SPINT2: variants seen among roughly 807,000 people sequenced by gnomAD.
SPINT2 encodes the protein serine peptidase inhibitor, Kunitz type 2, also known as kunitz-type protease inhibitor 2.
In SPINT2, 18 loss-of-function variants were observed where a neutral mutation model predicts 30.1. The observed-to-expected ratio is 0.60, with a 90% CI of 0.41 to 0.89. SPINT2 has a LOEUF of 0.89. Ranked by LOEUF, SPINT2 falls within the 40% of genes least tolerant of loss-of-function variation. The probability of loss-of-function intolerance (pLI) is 0.00; values close to 1 mark genes in which losing one functional copy is unlikely to be tolerated. For missense variants in SPINT2, 276 were observed against 334.3 expected (o/e 0.83, Z 1.36); for synonymous variants, 139 against 137.9 (o/e 1.01, Z -0.05).
intron 1 of SPINT2, among the ~76,000 whole-genome samples, chr19:38,269,020 GC>G (rs1968415646): frequency 6.6e-6 from 1 of 152,134 alleles, no homozygotes. Flanking sequence ...ATAACTTTGT[GC>G]CTGGCCCTGG....
chr19:38,266,227 G>GGATGGGA (rs1404057250), intron 1 of SPINT2, among the ~76,000 whole-genome samples: 1 of 152,166 alleles, frequency 6.6e-6, no homozygotes, highest in Non-Finnish European at 1.5e-5. Context: ...GACTGGAGGA[G>GGATGGGA]GATGGGAGGT....
rs903681078 is a variant in SPINT2 at position 38,282,746 on chromosome 19, A to G, written c.107-881A>G. Among the ~76,000 whole-genome samples, 5 of 152,356 alleles carry G rather than the reference A, an allele frequency of 3.3e-5. 1 individual carries two copies. In the South Asian group the frequency reaches 1.0e-3, roughly 32 times the overall value. ...TAGGACCTGTGTTGTCTTTGGAGCC[A>G]TGGGCTGGGCTGCAGGCACTCGAGT... On this transcript the variant is annotated intron_variant, in intron 1 of 6. Coordinates refer to ENST00000301244, the MANE Select transcript of SPINT2 (RefSeq NM_021102.4).
At chr19:38,271,793 T>C (rs900843331) in intron 1 of SPINT2, among the ~76,000 whole-genome samples, 3 of 152,050 alleles carry the variant, frequency 2.0e-5, no homozygotes, top group African/African-American at 4.8e-5. Flanking sequence ...CAGTCCAGCC[T>C]GGGAGACAGA....
chr19:38,283,700 C>T lies in SPINT2; in HGVS notation c.180C>T (p.Asp60=), dbSNP rs34298881. Residue 60 remains aspartate (D), a synonymous_variant, in exon 2 of 7, where the codon GAC becomes GAT. Coordinates refer to ENST00000301244, the MANE Select transcript of SPINT2 (RefSeq NM_021102.4). ...SMPRWWYNVT[D]GSCQLFVYGG... ...CTAGGTGGTGGTACAATGTCACTGA[C>T]GGATCCTGCCAGCTGTTTGTGTATG... The T allele has an allele frequency of 4.8e-5, 78 of 1,614,006 alleles. No individual in the cohort carries two copies. Among genetic ancestry groups the T allele is most frequent in the Middle Eastern group, 1.6e-4 (1 of 6,084 alleles).
At chr19:38,277,675 C>G (rs752388323) in intron 1 of SPINT2, among the ~76,000 whole-genome samples, 3 of 152,180 alleles carry the variant, frequency 2.0e-5, no homozygotes, top group Non-Finnish European at 4.4e-5. Context: ...ACCAGAGAAA[C>G]TTGTTTTCCA....
intron 1 of SPINT2, among the ~76,000 whole-genome samples, chr19:38,273,423 G>A (rs778691021): frequency 6.6e-6 from 1 of 151,918 alleles, no homozygotes; most frequent in Non-Finnish European, 1.5e-5. Context: ...CTGTTTTCTT[G>A]AACTCCTGAC....
intron 2 of SPINT2, among the ~76,000 whole-genome samples, chr19:38,285,681 C>T (rs1439832266): frequency 1.3e-5 from 2 of 152,180 alleles, no homozygotes; most frequent in Admixed American, 6.5e-5. Flanking sequence ...TTACACTGGC[C>T]TTTAAGTAAA....
Position 38,290,498 on chromosome 19 carries a change from G to A in SPINT2, c.554-39G>A. 1 of 1,613,926 alleles carries A rather than the reference G, an allele frequency of 6.2e-7. No homozygotes were observed. Among genetic ancestry groups the A allele is most frequent in the Non-Finnish European group, 8.5e-7 (1 of 1,179,912 alleles). ...CCCCTGCGGCAGCTCTGTGGAATGG[G>A]GGCTGTGAGCTGACCTCAGGCTGTG... On this transcript the variant is annotated intron_variant, in intron 5 of 6. Coordinates refer to ENST00000301244, the MANE Select transcript of SPINT2 (RefSeq NM_021102.4). This position sits in a 1 kb window ranked among gnomAD's most constrained non-coding sequence, Gnocchi z 4.3.
chr19:38,268,747 G>C (rs541527994), intron 1 of SPINT2, among the ~76,000 whole-genome samples: 67 of 147,594 alleles, frequency 4.5e-4, no homozygotes, highest in African/African-American at 1.6e-3. Context: ...GTGAGACAGA[G>C]AGAGAGCATG....
chr19:38,264,756 C>G lies in SPINT2; in HGVS notation c.-137C>G, dbSNP rs1191997812. On this transcript the variant is annotated 5_prime_UTR_variant, in exon 1 of 7. Transcript: ENST00000301244. Reference sequence around the variant, plus strand: ...AAGGCGACTTCCGGGGGCTTTGGCACCTGGCGGACCCTCCCGGAGCGTCGG... The same window carrying G: ...AAGGCGACTTCCGGGGGCTTTGGCAGCTGGCGGACCCTCCCGGAGCGTCGG... The G allele has an allele frequency of 3.3e-6, 3 of 909,948 alleles. No individual in the cohort carries two copies. The allele number at this position is 909,948 out of a possible 1,614,324, so 56.4% of individuals were successfully genotyped here.
chr19:38,287,561 A>G (rs1478250306), intron 2 of SPINT2, among the ~76,000 whole-genome samples: 2 of 152,126 alleles, frequency 1.3e-5, no homozygotes, highest in Non-Finnish European at 2.9e-5. Flanking sequence ...TCCTGACCTC[A>G]GGTGATCCAC....
At chr19:38,276,839 T>TTTTA in intron 1 of SPINT2, among the ~76,000 whole-genome samples, 1 of 151,836 alleles carries the variant, frequency 6.6e-6, no homozygotes, top group East Asian at 1.9e-4. Context: ...CTCGCTTTGT[T>TTTTA]GCCCAGGCTG....
At chr19:38,266,557 T>G (rs1968381408) in intron 1 of SPINT2, among the ~76,000 whole-genome samples, 1 of 151,834 alleles carries the variant, frequency 6.6e-6, no homozygotes, top group Non-Finnish European at 1.5e-5. Flanking sequence ...ACACCTGTAG[T>G]CCCGGCTACT....
At chr19:38,279,497 T>TA (rs977918175) in intron 1 of SPINT2, among the ~76,000 whole-genome samples, 9 of 150,598 alleles carry the variant, frequency 6.0e-5, no homozygotes, top group Non-Finnish European at 8.9e-5. Flanking sequence ...AACTCCATCT[T>TA]AAAAAAAAAT....
chr19:38,285,861 T>C (rs375826562), intron 2 of SPINT2, among the ~76,000 whole-genome samples: 21 of 152,302 alleles, frequency 1.4e-4, no homozygotes, highest in African/African-American at 4.6e-4. Context: ...TTCTGAGCTA[T>C]CCCAGTCAAG....
chr19:38,273,997 G>T (rs1010090448), intron 1 of SPINT2, among the ~76,000 whole-genome samples: 2 of 152,148 alleles, frequency 1.3e-5, no homozygotes, highest in African/African-American at 2.4e-5. Flanking sequence ...TCAGGAGGCC[G>T]AGGCGGGTGG....
intron 1 of SPINT2, among the ~76,000 whole-genome samples, chr19:38,271,409 G>A (rs762255144): frequency 1.5e-4 from 23 of 152,024 alleles, no homozygotes; most frequent in East Asian, 7.7e-4. Context: ...GGAGAATGGC[G>A]TGAACCCAGG....
At chr19:38,272,900 T>G (rs1009363826) in intron 1 of SPINT2, among the ~76,000 whole-genome samples, 1 of 152,136 alleles carries the variant, frequency 6.6e-6, no homozygotes, top group Non-Finnish European at 1.5e-5. Context: ...TTTTGTATTT[T>G]TAGTAGAGAC....
intron 1 of SPINT2, among the ~76,000 whole-genome samples, chr19:38,266,561 G>A (rs1205076620): frequency 3.3e-5 from 5 of 151,900 alleles, no homozygotes; most frequent in East Asian, 1.9e-4. Context: ...CTGTAGTCCC[G>A]GCTACTCGGG....
Sources: gnomAD v4.1 joint callset for allele counts (sites outside exome capture counted in the v4.1 genomes callset) on GRCh38, gnomAD v4.1.1 for gene constraint, Gnocchi (gnomAD v3.1) non-coding constraint, MANE v1.5 for transcripts, NCBI Gene and HGNC (gene_info 2026-07-23, HGNC 2026-07-21) for gene names.